The following SHROOM4 variants were observed in gnomAD, a reference collection of about 807,000 sequenced individuals.
SHROOM4 encodes shroom family member 4, also known as protein Shroom4.
In SHROOM4, 17 loss-of-function variants were observed where a neutral mutation model predicts 80.3. That is an observed-to-expected ratio of 0.21 (90% CI 0.14 to 0.32). SHROOM4 has a LOEUF of 0.32. Among genes scored for constraint, SHROOM4 ranks in the 10% least tolerant of loss-of-function variants. The pLI, the probability that SHROOM4 is intolerant of heterozygous loss-of-function variation, is 1.00. For missense variants in SHROOM4, 993 were observed against 1,140.3 expected (o/e 0.87, Z 1.86); for synonymous variants, 400 against 437.5 (o/e 0.91, Z 1.07).
chrX:50,741,569 A>T (rs1270379259), intron 1 of SHROOM4, among the ~76,000 whole-genome samples: 3 of 111,349 alleles, frequency 2.7e-5, no homozygotes, highest in African/African-American at 9.8e-5. Context: ...TGTCATTAAA[A>T]ATATTAATTT....
chrX:50,729,511 A>G (rs1934317612), intron 1 of SHROOM4, among the ~76,000 whole-genome samples: 1 of 111,707 alleles, frequency 9.0e-6, no homozygotes, highest in Admixed American at 9.5e-5. Context: ...TACACCATTA[A>G]GCACACAAAC....
intron 1 of SHROOM4, among the ~76,000 whole-genome samples, chrX:50,801,256 AAAGAG>A (rs1387470688): frequency 4.2e-5 from 2 of 47,425 alleles, no homozygotes; most frequent in Non-Finnish European, 9.1e-5. Flanking sequence ...AGAGAGAGAG[AAAGAG>A]GAGAGAGAGA....
intron 2 of SHROOM4, among the ~76,000 whole-genome samples, chrX:50,651,865 G>C (rs1033946151): frequency 2.7e-5 from 3 of 110,779 alleles, no homozygotes; most frequent in Non-Finnish European, 3.8e-5. Flanking sequence ...AGTTTACCTA[G>C]AATGATGGTT....
chrX:50,672,367 T>TGCAAAGTGCAATAAA (rs1932807024), intron 2 of SHROOM4, among the ~76,000 whole-genome samples: 1 of 112,044 alleles, frequency 8.9e-6, no homozygotes, highest in Non-Finnish European at 1.9e-5. Flanking sequence ...CATAATTATC[T>TGCAAAGTGCAATAAA]GCAAAGTGCA....
rs1295041781 is a variant in SHROOM4, at chrX:50,807,242, G to T, written c.117+6660C>A. Among the ~76,000 whole-genome samples the T allele has an allele frequency of 3.6e-5, 4 of 112,120 alleles. No homozygotes were observed. In the Admixed American group the frequency reaches 3.8e-4, roughly 11 times the overall value. ...ACTGGTAAATGTGGGGAGATGGGGA[G>T]AAAGAGGCTGTGGATGCAAGACCTC... On this transcript the variant is annotated intron_variant, in intron 1 of 8. Coordinates refer to ENST00000376020, the MANE Select transcript of SHROOM4 (RefSeq NM_020717.5).
chrX:50,789,055 C>A (rs928669504), intron 1 of SHROOM4, among the ~76,000 whole-genome samples: 2 of 111,354 alleles, frequency 1.8e-5, no homozygotes, highest in Admixed American at 1.9e-4. Flanking sequence ...GATAGCAATA[C>A]TATAATAGTA....
intron 2 of SHROOM4, among the ~76,000 whole-genome samples, chrX:50,690,261 C>T (rs1233983337): frequency 1.8e-5 from 2 of 111,396 alleles, no homozygotes; most frequent in Non-Finnish European, 1.9e-5. Flanking sequence ...TATAGTAGTG[C>T]GCCTTTAATT....
At chrX:50,670,117 A>G (rs1347105863) in intron 2 of SHROOM4, among the ~76,000 whole-genome samples, 1 of 107,846 alleles carries the variant, frequency 9.3e-6, no homozygotes, top group African/African-American at 3.4e-5. Flanking sequence ...TTCTTTTTTT[A>G]TTATTATTAT....
At chrX:50,664,679 T>C (rs1469667621) in intron 2 of SHROOM4, among the ~76,000 whole-genome samples, 2 of 112,086 alleles carry the variant, frequency 1.8e-5, no homozygotes, top group Non-Finnish European at 3.8e-5. Flanking sequence ...CATGTTTTCT[T>C]TTATTGGTGT....
intron 1 of SHROOM4, among the ~76,000 whole-genome samples, chrX:50,791,095 A>C (rs1935841606): frequency 9.0e-6 from 1 of 111,380 alleles, no homozygotes; most frequent in Non-Finnish European, 1.9e-5. Context: ...AAACTGTTAG[A>C]ACTAATAAAT....
Position 50,805,664 on chromosome X carries a change from C to G in SHROOM4, c.117+8238G>C, listed in dbSNP as rs974039633. Among the ~76,000 whole-genome samples, 3 of 111,724 alleles carry G rather than the reference C, an allele frequency of 2.7e-5. No homozygotes were observed. In the Admixed American group the frequency reaches 2.9e-4, roughly 11 times the overall value. ...GCCTTCACACTTCCACAGCCTAGACCAAGTAAGGGTCCTTAGCAACCCTTC... is the reference window on the plus strand; with the variant it reads ...GCCTTCACACTTCCACAGCCTAGACGAAGTAAGGGTCCTTAGCAACCCTTC... On this transcript the variant is annotated intron_variant, in intron 1 of 8. Transcript: ENST00000376020.
chrX:50,584,316 TCAAAGC>T (rs1275582756), downstream of SHROOM4, among the ~76,000 whole-genome samples: 1 of 112,497 alleles, frequency 8.9e-6, no homozygotes, highest in Non-Finnish European at 1.9e-5. Flanking sequence ...TCTTTAAATA[TCAAAGC>T]CAAAGCTATA....
At chrX:50,670,302 C>G (rs781814819) in intron 2 of SHROOM4, among the ~76,000 whole-genome samples, 1 of 106,712 alleles carries the variant, frequency 9.4e-6, no homozygotes, top group Non-Finnish European at 1.9e-5. Flanking sequence ...ATGTTCCCCT[C>G]CCTGTGTCCA....
intron 1 of SHROOM4, among the ~76,000 whole-genome samples, chrX:50,743,162 C>T (rs1160777239): frequency 9.3e-6 from 1 of 107,170 alleles, no homozygotes; most frequent in African/African-American, 3.4e-5. Flanking sequence ...TACTTCCTGG[C>T]ACTACGAGAT....
intron 2 of SHROOM4, among the ~76,000 whole-genome samples, chrX:50,693,774 A>G (rs782732390): frequency 1.0e-4 from 11 of 110,235 alleles, no homozygotes; most frequent in Non-Finnish European, 2.1e-4. Context: ...GAAATATACA[A>G]TAGATTGTTA....
chrX:50,805,073 G>A lies in SHROOM4; in HGVS notation c.117+8829C>T, dbSNP rs782666323. On this transcript the variant is annotated intron_variant, in intron 1 of 8. Transcript: ENST00000376020. The stretch of plus-strand genomic sequence containing the variant: ...AGCTGCCTACCTGTAGAATTTTTCA[G>A]GGTGGCTTTTACTTATATCAAACAC... Among the ~76,000 whole-genome samples the A allele has an allele frequency of 1.9e-4, 21 of 111,388 alleles. 1 individual carries two copies. The highest frequency in any genetic ancestry group is 3.8e-5 in the Non-Finnish European group (2 of 53,183).
chrX:50,770,764 T>C (rs1435222532), intron 1 of SHROOM4, among the ~76,000 whole-genome samples: 2 of 111,625 alleles, frequency 1.8e-5, no homozygotes, highest in African/African-American at 6.5e-5. Context: ...CATGGTCACA[T>C]AGTCTCCTGC....
At chrX:50,659,129 TG>T (rs1557259750) in intron 2 of SHROOM4, among the ~76,000 whole-genome samples, 1 of 111,094 alleles carries the variant, frequency 9.0e-6, no homozygotes, top group African/African-American at 3.3e-5. Flanking sequence ...AGGGGAACAA[TG>T]GTGTCCTGAG....
At chrX:50,610,661 T>G (rs1929928567) in intron 5 of SHROOM4, among the ~76,000 whole-genome samples, 1 of 111,338 alleles carries the variant, frequency 9.0e-6, no homozygotes, top group African/African-American at 3.3e-5. Context: ...ACACAGTAAG[T>G]GTTCAATAAA....
Sources: gnomAD v4.1 joint callset for allele counts (sites outside exome capture counted in the v4.1 genomes callset) on GRCh38, gnomAD v4.1.1 for gene constraint, MANE v1.5 for transcripts, NCBI Gene and HGNC (gene_info 2026-07-23, HGNC 2026-07-21) for gene names.